AMELY: variants seen among roughly 807,000 people sequenced by gnomAD.
AMELY encodes amelogenin, Y isoform.
AMELY carries 4 observed loss-of-function variants against 4.2 expected under a neutral mutation model. The observed-to-expected ratio is 0.96, with a 90% CI of 0.47 to 2.19. The LOEUF (loss-of-function observed/expected upper bound fraction) is 2.19. Ranked by LOEUF, AMELY falls within the 30% of genes most tolerant of loss-of-function variation. AMELY has a pLI of 0.02. For synonymous variants in AMELY, 11 were observed against 14.7 expected, an observed-to-expected ratio of 0.75 and a Z score of 0.57; for missense variants, 32 against 41.5, an observed-to-expected ratio of 0.77 and a Z score of 0.63.
At chrY:6,885,368 A>G (rs376761827) in intron 1 of AMELY, among the ~76,000 whole-genome samples, 21 of 33,976 alleles carry the variant, frequency 6.2e-4, no homozygotes, top group East Asian at 1.6e-3. Flanking sequence ...CCAGCTACTC[A>G]GGAGGCTGAG....
intron 1 of AMELY, among the ~76,000 whole-genome samples, chrY:6,886,873 C>T (rs1603022476): frequency 3.0e-5 from 1 of 33,224 alleles, no homozygotes; most frequent in Non-Finnish European, 7.4e-5. Context: ...TACAAATATA[C>T]GTTCAATGAA....
At chrY:6,903,833 G>A (rs2011656759) in intron 1 of AMELY, among the ~76,000 whole-genome samples, 1 of 33,855 alleles carries the variant, frequency 3.0e-5, no homozygotes, top group East Asian at 8.0e-4. Flanking sequence ...ATTCCAGTGA[G>A]GACAAATCTC....
At chrY:6,885,392 A>ACT (rs2054079233) in intron 1 of AMELY, among the ~76,000 whole-genome samples, 1 of 34,094 alleles carries the variant, frequency 2.9e-5, no homozygotes, top group Non-Finnish European at 7.3e-5. Flanking sequence ...GGAGAATGGC[A>ACT]TGAGCCCAGG....
chrY:6,909,302 C>T (rs780363749), intron 1 of AMELY, among the ~76,000 whole-genome samples: 6 of 33,178 alleles, frequency 1.8e-4, no homozygotes, highest in African/African-American at 7.1e-4. Flanking sequence ...AAATACAGCG[C>T]TTCCACCAGA....
chrY:6,877,369 C>T, intron 1 of AMELY, among the ~76,000 whole-genome samples: 2 of 32,846 alleles, frequency 6.1e-5, no homozygotes, highest in South Asian at 7.2e-4. Context: ...TCCAGGAGCC[C>T]GGAAATATCC....
At chrY:6,887,623 G>A (rs2054080822) in intron 1 of AMELY, among the ~76,000 whole-genome samples, 2 of 32,235 alleles carry the variant, frequency 6.2e-5, no homozygotes, top group African/African-American at 2.4e-4. Context: ...CATTATCTAA[G>A]TTTTAAGCCC....
intron 1 of AMELY, among the ~76,000 whole-genome samples, chrY:6,894,445 A>G (rs2054085150): frequency 3.0e-5 from 1 of 33,726 alleles, no homozygotes; most frequent in African/African-American, 1.2e-4. Context: ...GCTACTTGTA[A>G]TCAATCCCTG....
rs745351951 is a variant in AMELY, at chrY:6,895,373, T to A, written c.-113+16300A>T. On this transcript the variant is annotated intron_variant, in intron 1 of 6. Coordinates refer to ENST00000651267, the MANE Select transcript of AMELY (RefSeq NM_001143.2). ...ATTTAGCTCCTTCATTTGCAAGACA[T>A]CAAGGACTCCTTACCCACCCCCTTC... Among the ~76,000 whole-genome samples, 37 of 33,404 alleles carry A rather than the reference T, an allele frequency of 1.1e-3. No individual in the cohort carries two copies. The South Asian group carries it at 0.026, about 24-fold the overall frequency. 89.6% of individuals were successfully genotyped at this position (33,404 alleles called of 37,273 possible).
rs2054089572 is a variant in AMELY, at chrY:6,901,835, G to C, written c.-113+9838C>G. Among the ~76,000 whole-genome samples, 3 of 32,995 alleles carry C rather than the reference G, an allele frequency of 9.1e-5. No individual in the cohort carries two copies. The South Asian group carries it at 2.2e-3, about 24-fold the overall frequency. 88.5% of individuals were successfully genotyped at this position (32,995 alleles called of 37,273 possible). ...AGATGTAGTCTCGGAGGCTAGGCCAGTCTCTCCTTTCTGCCTGCCTATATT... is the reference window on the plus strand; with the variant it reads ...AGATGTAGTCTCGGAGGCTAGGCCACTCTCTCCTTTCTGCCTGCCTATATT... On this transcript the variant is annotated intron_variant, in intron 1 of 6. Transcript: ENST00000651267.
At chrY:6,883,124 T>C (rs376272596) in intron 1 of AMELY, among the ~76,000 whole-genome samples, 1 of 33,512 alleles carries the variant, frequency 3.0e-5, no homozygotes, top group Non-Finnish European at 7.4e-5. Flanking sequence ...TAAATCATTC[T>C]ACTATAAAGA....
At chrY:6,893,905 T>C (rs2054084908) in intron 1 of AMELY, among the ~76,000 whole-genome samples, 1 of 33,136 alleles carries the variant, frequency 3.0e-5, no homozygotes, top group Non-Finnish European at 7.4e-5. Context: ...CTACAAAAAA[T>C]TGTAATCCTC....
intron 1 of AMELY, among the ~76,000 whole-genome samples, chrY:6,885,422 C>G: frequency 5.9e-5 from 2 of 34,129 alleles, no homozygotes; most frequent in Admixed American, 2.6e-4. Context: ...TTGCAGGGAG[C>G]CAAAATTGTG....
At chrY:6,907,859 C>CT (rs2011669215) in intron 1 of AMELY, among the ~76,000 whole-genome samples, 19 of 28,798 alleles carry the variant, frequency 6.6e-4, no homozygotes, top group Admixed American at 3.2e-3. Context: ...TTCCTACTGC[C>CT]TTTTTTTTTT....
At chrY:6,869,716 T>C (rs2054066015) in intron 4 of AMELY, among the ~76,000 whole-genome samples, 1 of 33,470 alleles carries the variant, frequency 3.0e-5, no homozygotes, top group East Asian at 8.0e-4. Context: ...AGTTGACTTT[T>C]TGCCCTTTCA....
intron 1 of AMELY, among the ~76,000 whole-genome samples, chrY:6,894,206 T>A: frequency 3.1e-5 from 1 of 32,514 alleles, no homozygotes; most frequent in Admixed American, 2.9e-4. Context: ...ACTGGGGGGG[T>A]ACTTCACCTC....
At chrY:6,899,911 G>C (rs2054088335) in intron 1 of AMELY, among the ~76,000 whole-genome samples, 1 of 33,058 alleles carries the variant, frequency 3.0e-5, no homozygotes, top group East Asian at 8.0e-4. Context: ...TGGGCATGAT[G>C]GTGTTCACCT....
chrY:6,898,370 T>C lies in AMELY; in HGVS notation c.-113+13303A>G, dbSNP rs537389634. The stretch of plus-strand genomic sequence containing the variant: ...ATCTGCTGTCTGCAAGCTGCAAGAC[T>C]AGTGGAATAGTTCAAAAGCCTGAGA... On this transcript the variant is annotated intron_variant, in intron 1 of 6. Coordinates refer to ENST00000651267, the MANE Select transcript of AMELY (RefSeq NM_001143.2). Among the ~76,000 whole-genome samples, 62 of 33,787 alleles carry C rather than the reference T, an allele frequency of 1.8e-3. No homozygotes were observed. The South Asian group carries it at 0.037, about 20-fold the overall frequency. The allele number at this position is 33,787 out of a possible 37,273, so 90.6% of individuals were successfully genotyped here. A position where few individuals can be genotyped will look rare whatever the true frequency, so the allele number is the denominator to read the frequency against.
intron 1 of AMELY, among the ~76,000 whole-genome samples, chrY:6,888,766 G>T: frequency 3.9e-5 from 1 of 25,648 alleles, no homozygotes; most frequent in Admixed American, 3.8e-4. Context: ...TACACCAAAG[G>T]CTGGGGCAGG....
chrY:6,882,681 T>G, intron 1 of AMELY, among the ~76,000 whole-genome samples: 3 of 32,671 alleles, frequency 9.2e-5, no homozygotes, highest in Admixed American at 2.8e-4. Flanking sequence ...GGGAGAAAAT[T>G]TTTGCAATTT....
Sources: gnomAD v4.1 joint callset for allele counts (sites outside exome capture counted in the v4.1 genomes callset) on GRCh38, gnomAD v4.1.1 for gene constraint, MANE v1.5 for transcripts, NCBI Gene and HGNC (gene_info 2026-07-23, HGNC 2026-07-21) for gene names.